ESRRG: variants seen among roughly 807,000 people sequenced by gnomAD.
ESRRG encodes the protein estrogen-related receptor gamma.
ESRRG carries 13 observed loss-of-function variants against 44.0 expected under a neutral mutation model. The observed-to-expected ratio is 0.30, with a 90% CI of 0.19 to 0.47. The LOEUF is 0.47. Among genes scored for constraint, ESRRG ranks in the 20% least tolerant of loss-of-function variants. ESRRG has a pLI of 1.00. For synonymous variants in ESRRG, 215 were observed against 214.6 expected (o/e 1.00, Z -0.02); for missense variants, 395 against 580.6 (o/e 0.68, Z 3.29).
At chr1:217,100,161 C>A (rs1423142333) in intron 1 of ESRRG, among the ~76,000 whole-genome samples, 1 of 152,162 alleles carries the variant, frequency 6.6e-6, no homozygotes, top group Non-Finnish European at 1.5e-5. Context: ...GGGAATTCCT[C>A]TTTTAAAATC....
chr1:216,620,827 T>C (rs954973170), intron 3 of ESRRG, among the ~76,000 whole-genome samples: 3 of 152,234 alleles, frequency 2.0e-5, no homozygotes, highest in Non-Finnish European at 2.9e-5. Context: ...GGAACATCTC[T>C]GCTACTTAAA....
chr1:216,778,221 G>C (rs1352793052), intron 2 of ESRRG, among the ~76,000 whole-genome samples: 1 of 151,994 alleles, frequency 6.6e-6, no homozygotes, highest in African/African-American at 2.4e-5. Flanking sequence ...AAACGGCAGA[G>C]GGAGGAGTTT....
chr1:216,806,467 A>C (rs141687985), intron 2 of ESRRG, among the ~76,000 whole-genome samples: 1 of 152,310 alleles, frequency 6.6e-6, no homozygotes, highest in Non-Finnish European at 1.5e-5. Flanking sequence ...ATAAAACAAA[A>C]AGGTTGTACG....
chr1:216,904,211 C>CG lies in ESRRG; in HGVS notation c.-14+35370_-14+35371insC, dbSNP rs201137269. ...ACTGCAGCTGCAATCATCACCCCCC[C>CG]CAACTGATAATTAGTGAGTTAATAA... On this transcript the variant is annotated intron_variant, in intron 2 of 7. Transcript: ENST00000359162. Among the ~76,000 whole-genome samples the CG allele has an allele frequency of 1.1e-4, 16 of 151,266 alleles. No individual in the cohort carries two copies. The East Asian group carries it at 1.9e-3, about 18-fold the overall frequency.
chr1:217,109,920 T>C (rs1013690692), intron 1 of ESRRG, among the ~76,000 whole-genome samples: 1 of 152,178 alleles, frequency 6.6e-6, no homozygotes, highest in African/African-American at 2.4e-5. Flanking sequence ...GCACACCATA[T>C]CCTTAAAGGG....
chr1:216,860,921 A>C (rs2096042305), intron 2 of ESRRG, among the ~76,000 whole-genome samples: 1 of 152,168 alleles, frequency 6.6e-6, no homozygotes, highest in Non-Finnish European at 1.5e-5. Flanking sequence ...GGGGTTTATA[A>C]TATATGTAAG....
intron 2 of ESRRG, among the ~76,000 whole-genome samples, chr1:216,934,935 GT>G (rs2063898059): frequency 6.6e-6 from 1 of 152,100 alleles, no homozygotes; most frequent in Non-Finnish European, 1.5e-5. Context: ...TGAATGGCCG[GT>G]ATGTAGTAAG....
intron 2 of ESRRG, among the ~76,000 whole-genome samples, chr1:216,805,775 G>A (rs1053304134): frequency 8.6e-5 from 13 of 151,692 alleles, no homozygotes; most frequent in East Asian, 3.9e-4. Context: ...TTAGGTGTTC[G>A]GTTTTGTTTT....
At chr1:216,687,134 C>T (rs1407068828) in intron 1 of ESRRG, among the ~76,000 whole-genome samples, 1 of 152,004 alleles carries the variant, frequency 6.6e-6, no homozygotes, top group Admixed American at 6.6e-5. Flanking sequence ...AATGAAACTG[C>T]AGCAACCACA....
chr1:216,665,902 C>G (rs2073810043), intron 2 of ESRRG, among the ~76,000 whole-genome samples: 1 of 152,132 alleles, frequency 6.6e-6, no homozygotes, highest in Non-Finnish European at 1.5e-5. Context: ...AAAGTGAATT[C>G]ATGTGGTTTA....
At chr1:217,060,206 TTG>T (rs2088061041) in intron 1 of ESRRG, among the ~76,000 whole-genome samples, 1 of 152,062 alleles carries the variant, frequency 6.6e-6, no homozygotes, top group Non-Finnish European at 1.5e-5. Context: ...ATTTCTCTAT[TTG>T]TGTTTTAATT....
At chr1:216,741,656 G>A (rs905950857) in intron 2 of ESRRG, among the ~76,000 whole-genome samples, 6 of 152,082 alleles carry the variant, frequency 3.9e-5, no homozygotes, top group African/African-American at 1.4e-4. Context: ...CACAGCTTAG[G>A]GCCTGACAGA....
At chr1:217,123,898 C>A (rs1268085430) in intron 1 of ESRRG, among the ~76,000 whole-genome samples, 1 of 151,862 alleles carries the variant, frequency 6.6e-6, no homozygotes, top group Non-Finnish European at 1.5e-5. Flanking sequence ...CGCACATGTA[C>A]CCCAGAGCTT....
intron 2 of ESRRG, among the ~76,000 whole-genome samples, chr1:216,798,355 T>C (rs901652260): frequency 4.6e-5 from 7 of 151,302 alleles, no homozygotes; most frequent in Non-Finnish European, 8.8e-5. Context: ...GGTAAGTATA[T>C]GAACAAATTC....
chr1:216,985,013 C>T (rs1458499213), intron 1 of ESRRG, among the ~76,000 whole-genome samples: 1 of 152,086 alleles, frequency 6.6e-6, no homozygotes, highest in African/African-American at 2.4e-5. Flanking sequence ...CAATGGTTTC[C>T]TCACAGGCTA....
chr1:216,770,146 T>G (rs115050771), intron 2 of ESRRG, among the ~76,000 whole-genome samples: 1 of 151,926 alleles, frequency 6.6e-6, no homozygotes, highest in East Asian at 1.9e-4. Context: ...GTCACCCAAT[T>G]TGGCAATAGG....
chr1:216,759,476 C>G (rs1002552666), intron 2 of ESRRG, among the ~76,000 whole-genome samples: 3 of 152,064 alleles, frequency 2.0e-5, no homozygotes, highest in African/African-American at 7.2e-5. Context: ...GGCCTTTAAA[C>G]CTTTGCCTGC....
At chr1:216,599,600 A>G (rs1028865437) in intron 3 of ESRRG, among the ~76,000 whole-genome samples, 1 of 152,208 alleles carries the variant, frequency 6.6e-6, no homozygotes, top group African/African-American at 2.4e-5. Flanking sequence ...ATTTTCCAGA[A>G]AATTAACTCA....
rs192749601 is a variant in ESRRG, at chr1:216,931,449, T to A, written c.-14+8133A>T. ...ACTGCTCCTTCCTTATTCTGGAAAA[T>A]GGACTCTGTCTTCCCAAAGTTTTCC... is the stretch of plus-strand genomic sequence containing the variant. On this transcript the variant is annotated intron_variant, in intron 2 of 7. Transcript: ENST00000359162. Among the ~76,000 whole-genome samples, 672 of 152,276 alleles carry A rather than the reference T, an allele frequency of 4.4e-3. 1 individual carries two copies. The highest frequency in any genetic ancestry group is 0.014 in the Middle Eastern group (4 of 294).
Sources: allele counts gnomAD v4.1 joint callset (sites outside exome capture counted in the v4.1 genomes callset), GRCh38; gene constraint gnomAD v4.1.1; transcripts MANE v1.5; gene names NCBI Gene and HGNC (gene_info 2026-07-23, HGNC 2026-07-21).